Variants in LMBRD1 observed in about 807,000 individuals in gnomAD.
The protein encoded by LMBRD1 is lysosomal cobalamin transport escort protein LMBD1.
Under a neutral mutation model 74.8 loss-of-function variants are expected in LMBRD1, and 64 were observed. The observed-to-expected ratio is 0.86, with a 90% CI of 0.70 to 1.05. LMBRD1 has a LOEUF of 1.05. LMBRD1 is among the 50% of genes least tolerant of loss of function. The probability of loss-of-function intolerance (pLI) is 0.00; values close to 1 mark genes in which losing one functional copy is unlikely to be tolerated. For synonymous variants in LMBRD1, 204 were observed against 216.3 expected (o/e 0.94, Z 0.50); for missense variants, 652 against 645.9 (o/e 1.01, Z -0.10).
At chr6:69,701,594 C>T in intron 10 of LMBRD1, 49 bp from the exon 11 acceptor site, 1 of 1,169,504 alleles carries the variant, frequency 8.6e-7, no homozygotes, top group Non-Finnish European at 1.3e-6. Context: ...ATCAAATTTT[C>T]AGCAAATTTA....
chr6:69,773,120 T>C (rs976820252), intron 3 of LMBRD1, among the ~76,000 whole-genome samples: 1 of 152,192 alleles, frequency 6.6e-6, no homozygotes, highest in Non-Finnish European at 1.5e-5. Context: ...TCAAAGTTCA[T>C]GATCACTACC....
intron 14 of LMBRD1, among the ~76,000 whole-genome samples, chr6:69,677,214 A>AG (rs1765564636): frequency 6.6e-6 from 1 of 152,272 alleles, no homozygotes; most frequent in East Asian, 1.9e-4. Flanking sequence ...TAACAGACTG[A>AG]GCGGGGAAAG....
chr6:69,704,581 CTTA>C (rs1367002498), intron 9 of LMBRD1, among the ~76,000 whole-genome samples: 1 of 152,084 alleles, frequency 6.6e-6, no homozygotes, highest in Non-Finnish European at 1.5e-5. Context: ...ATGTTCCAAG[CTTA>C]TTAAGTGCTT....
chr6:69,697,542 T>C (rs760670514), intron 14 of LMBRD1, 21 bp downstream of exon 14: 25 of 1,525,502 alleles, frequency 1.6e-5, no homozygotes, highest in African/African-American at 2.7e-5. Context: ...AGTTGTAAGT[T>C]CTAAAACAAG....
At chr6:69,750,848 G>T (rs1038299061) in intron 4 of LMBRD1, among the ~76,000 whole-genome samples, 4 of 151,744 alleles carry the variant, frequency 2.6e-5, no homozygotes, top group African/African-American at 9.7e-5. Flanking sequence ...TTTTTTTCTA[G>T]GAGTCATTTA....
intron 3 of LMBRD1, among the ~76,000 whole-genome samples, chr6:69,761,406 C>A (rs908871773): frequency 6.6e-6 from 1 of 152,126 alleles, no homozygotes; most frequent in African/African-American, 2.4e-5. Context: ...AACAAAGAAT[C>A]ACATTCCAAT....
chr6:69,792,369 A>G (rs908845100), intron 1 of LMBRD1, among the ~76,000 whole-genome samples: 2 of 152,168 alleles, frequency 1.3e-5, no homozygotes, highest in Admixed American at 6.5e-5. Context: ...TTCTGCCCCT[A>G]TAGTTTCTGC....
chr6:69,723,717 G>A (rs1174224538), intron 7 of LMBRD1, among the ~76,000 whole-genome samples: 1 of 151,274 alleles, frequency 6.6e-6, no homozygotes, highest in Non-Finnish European at 1.5e-5. Context: ...AATCAAAAAA[G>A]AAGAAAAACT....
chr6:69,685,047 G>C (rs1331352438), intron 14 of LMBRD1, among the ~76,000 whole-genome samples: 1 of 152,022 alleles, frequency 6.6e-6, no homozygotes, highest in Non-Finnish European at 1.5e-5. Context: ...ATAGAGATAA[G>C]ATATATGAAG....
At chr6:69,735,599 T>C (rs1418944121) in intron 7 of LMBRD1, among the ~76,000 whole-genome samples, 1 of 152,234 alleles carries the variant, frequency 6.6e-6, no homozygotes, top group Non-Finnish European at 1.5e-5. Context: ...AATATTAGTT[T>C]AAAATGTTTC....
At chr6:69,790,749 G>T in intron 1 of LMBRD1, 1 of 419,292 alleles carries the variant, frequency 2.4e-6, no homozygotes. Context: ...AAACGTTAAT[G>T]GTTTCACACA....
intron 14 of LMBRD1, among the ~76,000 whole-genome samples, chr6:69,680,854 G>A (rs1052194193): frequency 5.3e-5 from 8 of 151,966 alleles, no homozygotes; most frequent in Non-Finnish European, 1.0e-4. Flanking sequence ...GGGGAGTGCC[G>A]TTCTTCACCA....
At position 69,790,350 on chromosome 6, in the gene LMBRD1, T is replaced by C. The variant is rs767220229; in HGVS notation, c.192A>G (p.Leu64=). ...AAGAAACCAAAAATATATCCACTGG[T>C]AGAAGTGCTGATGTGATAAGTGCAA... is the stretch of plus-strand genomic sequence containing the variant. The part of the protein sequence containing the change: ...LAIALITSAL[L]PVDIFLVSYM... Residue 64 remains leucine (L), a synonymous_variant, in exon 2 of 16, where the codon CTA becomes CTG. Coordinates refer to ENST00000649934, the MANE Select transcript of LMBRD1 (RefSeq NM_018368.4). 6 of 1,613,410 alleles carry C rather than the reference T, an allele frequency of 3.7e-6. No homozygotes were observed. In the Admixed American group the frequency reaches 1.0e-4, roughly 27 times the overall value.
chr6:69,762,993 G>C (rs1765403482), intron 3 of LMBRD1, among the ~76,000 whole-genome samples: 1 of 152,176 alleles, frequency 6.6e-6, no homozygotes, highest in African/African-American at 2.4e-5. Context: ...GTACTGAGAA[G>C]TGGGCTGCTG....
chr6:69,687,067 CTG>C (rs1302167928), intron 14 of LMBRD1, among the ~76,000 whole-genome samples: 9 of 152,290 alleles, frequency 5.9e-5, no homozygotes. Flanking sequence ...TGCCATTCCT[CTG>C]TTGACAATCT....
At chr6:69,723,659 T>C (rs1461126390) in intron 7 of LMBRD1, among the ~76,000 whole-genome samples, 5 of 152,014 alleles carry the variant, frequency 3.3e-5, no homozygotes, top group Non-Finnish European at 7.4e-5. Flanking sequence ...ACCTACAGGA[T>C]ACAGCGAAAG....
intron 9 of LMBRD1, among the ~76,000 whole-genome samples, chr6:69,710,040 G>A (rs539366233): frequency 1.3e-5 from 2 of 152,192 alleles, no homozygotes; most frequent in East Asian, 3.9e-4. Flanking sequence ...AAAATGCAAA[G>A]GATTTGGCAA....
Position 69,797,003 on chromosome 6 carries a change from G to T in LMBRD1, c.-122C>A. On this transcript the variant is annotated 5_prime_UTR_variant, in exon 1 of 16. Coordinates refer to ENST00000649934, the MANE Select transcript of LMBRD1 (RefSeq NM_018368.4). Reference sequence around the variant, plus strand: ...AAAGGTTAAAGGGGCGGAGGGGGAGGAGCAAGTGGTTGCCAAGGAGACTGG... The same window carrying T: ...AAAGGTTAAAGGGGCGGAGGGGGAGTAGCAAGTGGTTGCCAAGGAGACTGG... 1 of 847,318 alleles carries T rather than the reference G, an allele frequency of 1.2e-6. No individual in the cohort carries two copies. Among genetic ancestry groups the T allele is most frequent in the Non-Finnish European group, 1.9e-6 (1 of 526,188 alleles). The allele number at this position is 847,318 out of a possible 1,614,324, so 52.5% of individuals were successfully genotyped here. A position where few individuals can be genotyped will look rare whatever the true frequency, so the allele number is the denominator to read the frequency against.
chr6:69,722,903 A>G (rs1190749578), intron 7 of LMBRD1, among the ~76,000 whole-genome samples: 4 of 152,194 alleles, frequency 2.6e-5, no homozygotes, highest in Non-Finnish European at 4.4e-5. Flanking sequence ...GATTGAATGG[A>G]TAAGAAATCC....
Sources: gnomAD v4.1 joint callset for allele counts (sites outside exome capture counted in the v4.1 genomes callset) on GRCh38, gnomAD v4.1.1 for gene constraint, MANE v1.5 for transcripts, NCBI Gene and HGNC (gene_info 2026-07-23, HGNC 2026-07-21) for gene names.